ZNF439: variants seen among roughly 807,000 people sequenced by gnomAD.
The protein encoded by ZNF439 is zinc finger protein 439.
In ZNF439, 40 loss-of-function variants were observed where a neutral mutation model predicts 47.3. The ratio of observed to expected loss-of-function variants is 0.85; its 90% CI spans 0.66 to 1.10. The LOEUF is 1.10. ZNF439 is among the 50% of genes least tolerant of loss of function. The pLI is 0.00. For synonymous variants in ZNF439, 171 were observed against 198.8 expected (o/e 0.86, Z 1.18); for missense variants, 556 against 601.1 (o/e 0.93, Z 0.78).
intron 1 of ZNF439, among the ~76,000 whole-genome samples, chr19:11,863,088 C>T (rs530736326): frequency 6.6e-6 from 1 of 151,282 alleles, no homozygotes; most frequent in East Asian, 1.9e-4. Flanking sequence ...TGTAGAGCAT[C>T]CTGTCATATG....
At chr19:11,863,667 T>C (rs1976600147) in intron 1 of ZNF439, among the ~76,000 whole-genome samples, 1 of 152,182 alleles carries the variant, frequency 6.6e-6, no homozygotes, top group Non-Finnish European at 1.5e-5. Context: ...CACTCACAGA[T>C]CATGTTTTTT....
At chr19:11,866,509 G>A in intron 2 of ZNF439, 28 bp from the exon 3 acceptor site, 1 of 1,611,390 alleles carries the variant, frequency 6.2e-7, no homozygotes, top group Non-Finnish European at 8.5e-7. Flanking sequence ...TACTGCCTCA[G>A]GATTATTTTT....
chr19:11,866,517 T>A lies in ZNF439; in HGVS notation c.191-20T>A. ...AATTTTATACTGCCTCAGGATTATT[T>A]TTCTGTGTTTGTATTTTAGGAAAAA... On this transcript the variant is annotated intron_variant, in intron 2 of 3. Coordinates refer to ENST00000682736, the MANE Select transcript of ZNF439 (RefSeq NM_001348719.2). 6.2e-7 allele frequency: 1 copy of A among 1,612,228 alleles called. No homozygotes were observed. Among genetic ancestry groups the A allele is most frequent in the Non-Finnish European group, 8.5e-7 (1 of 1,179,134 alleles).
chr19:11,857,109 C>T (rs1976406969), intron 1 of ZNF439: 1 of 152,214 alleles, frequency 6.6e-6, no homozygotes, highest in Admixed American at 6.5e-5. Flanking sequence ...TAGGTCCCAA[C>T]ATAGCTGCAC....
At chr19:11,865,528 C>T (rs1031728651) in intron 1 of ZNF439, among the ~76,000 whole-genome samples, 3 of 150,318 alleles carry the variant, frequency 2.0e-5, no homozygotes, top group East Asian at 3.9e-4. Flanking sequence ...CCTTCTCTAA[C>T]AATGTCATCA....
chr19:11,867,759 T>A lies in ZNF439; in HGVS notation c.705T>A (p.Leu235=), dbSNP rs755860542. The A allele has an allele frequency of 6.2e-6, 10 of 1,614,176 alleles. No homozygotes were observed. The South Asian group carries it at 9.9e-5, about 16-fold the overall frequency. ...GKAFHCLSLY[L]IHERTHTGEK... ...CATTCCATTGTCTCAGTTTATATCT[T>A]ATCCATGAAAGAACTCACACTGGAG... Residue 235 remains leucine, a synonymous_variant, in exon 4 of 4, where the codon CTT becomes CTA. Transcript: ENST00000682736.
In ZNF439 at chr19:11,867,982, A is replaced by C. The variant is rs764830432; in HGVS notation, c.928A>C (p.Lys310Gln). The change falls in exon 4 of 4, where the codon AAA (lysine) becomes CAA (glutamine). Residue 310 changes from lysine (K) to glutamine (Q), a missense_variant. Coordinates refer to ENST00000682736, the MANE Select transcript of ZNF439 (RefSeq NM_001348719.2). ...EKAYQCKECG[K>Q]AFMCPRYVRR... ...GGCTTATCAATGTAAGGAATGTGGA[A>C]AAGCATTCATGTGTCCCCGTTATGT... The C allele has an allele frequency of 1.4e-5, 22 of 1,614,160 alleles. No individual in the cohort carries two copies. The highest frequency in any genetic ancestry group is 1.8e-5 in the Non-Finnish European group (21 of 1,180,016).
At chr19:11,866,017 A>C in intron 1 of ZNF439, 188 bp from the exon 2 acceptor site, 1 of 1,421,916 alleles carries the variant, frequency 7.0e-7, no homozygotes, top group East Asian at 2.5e-5. Context: ...TTCTGTCTCA[A>C]AAAAATAAAA....
intron 1 of ZNF439, among the ~76,000 whole-genome samples, chr19:11,854,378 C>T (rs766406325): frequency 1.3e-5 from 2 of 152,194 alleles, no homozygotes; most frequent in Non-Finnish European, 2.9e-5. Flanking sequence ...TCACAAAGTG[C>T]AAAGCAGGGG....
chr19:11,863,794 T>A (rs574087742), intron 1 of ZNF439, among the ~76,000 whole-genome samples: 1 of 152,182 alleles, frequency 6.6e-6, no homozygotes, highest in Non-Finnish European at 1.5e-5. Flanking sequence ...CATCAGGAGG[T>A]AGTTTTGTAA....
At chr19:11,863,901 T>C in intron 1 of ZNF439, among the ~76,000 whole-genome samples, 1 of 152,224 alleles carries the variant, frequency 6.6e-6, no homozygotes, top group South Asian at 2.1e-4. Flanking sequence ...TTATTTATTT[T>C]ATTATGGATA....
At chr19:11,862,615 G>T (rs1436334497) in intron 1 of ZNF439, among the ~76,000 whole-genome samples, 1 of 151,982 alleles carries the variant, frequency 6.6e-6, no homozygotes, top group East Asian at 1.9e-4. Context: ...CTTTCAAATT[G>T]GCTGTAGAAT....
chr19:11,857,474 A>T (rs989420490), intron 1 of ZNF439: 6 of 152,228 alleles, frequency 3.9e-5, no homozygotes, highest in African/African-American at 7.2e-5. Flanking sequence ...TCTATTACTG[A>T]TACAGACTTG....
intron 1 of ZNF439, among the ~76,000 whole-genome samples, chr19:11,851,934 C>A (rs776309791): frequency 6.6e-6 from 1 of 152,188 alleles, no homozygotes; most frequent in Non-Finnish European, 1.5e-5. Flanking sequence ...AGGCGTTAGC[C>A]AGTGCACCTG....
chr19:11,849,784 T>G (rs1031153017), intron 1 of ZNF439: 19 of 152,202 alleles, frequency 1.2e-4, no homozygotes, highest in South Asian at 4.1e-4. Context: ...CCTGTTTCTC[T>G]AGATTTTATG....
rs1599330109 is a variant in ZNF439, at chr19:11,869,051, G to A, written c.*482G>A. 2.0e-5 allele frequency: 5 copies of A among 252,454 alleles called. No homozygotes were observed. The highest frequency in any genetic ancestry group is 7.0e-5 in the African/African-American group (3 of 42,636). The allele number at this position is 252,454 out of a possible 1,614,324, so 15.6% of individuals were successfully genotyped here. On this transcript the variant is annotated 3_prime_UTR_variant, in exon 4 of 4. Transcript: ENST00000682736. ...TGCATATACATGAAAGGACTCATACGAGAGAGAATCCGTATGAATGTAAGG... is the reference window on the plus strand; with the variant it reads ...TGCATATACATGAAAGGACTCATACAAGAGAGAATCCGTATGAATGTAAGG...
At chr19:11,849,431 T>TTTA in intron 1 of ZNF439, 1 of 468,942 alleles carries the variant, frequency 2.1e-6, no homozygotes, top group Non-Finnish European at 2.8e-6. Context: ...AGAAGTGTAT[T>TTTA]CAGAGCCGAG....
chr19:11,849,145 G>A (rs998032571), intron 1 of ZNF439: 8 of 1,141,712 alleles, frequency 7.0e-6, no homozygotes, highest in Non-Finnish European at 8.7e-6. Context: ...CCTTGGCCCC[G>A]AAGCCCTTTT....
intron 1 of ZNF439, among the ~76,000 whole-genome samples, chr19:11,861,816 G>A (rs1477772145): frequency 1.3e-5 from 2 of 152,146 alleles, no homozygotes; most frequent in Non-Finnish European, 2.9e-5. Flanking sequence ...TATGTGAAAT[G>A]TTCAGGGAAT....
Sources: gnomAD v4.1 joint callset for allele counts (sites outside exome capture counted in the v4.1 genomes callset) on GRCh38, gnomAD v4.1.1 for gene constraint, MANE v1.5 for transcripts, NCBI Gene and HGNC (gene_info 2026-07-23, HGNC 2026-07-21) for gene names.